The following IFT88 variants were observed in gnomAD, a reference collection of about 807,000 sequenced individuals.
IFT88 encodes the protein intraflagellar transport protein 88 homolog.
A neutral mutation model predicts 119.5 loss-of-function variants in IFT88; 74 were observed. The observed-to-expected ratio is 0.62, with a 90% CI of 0.51 to 0.75. The LOEUF (loss-of-function observed/expected upper bound fraction) is 0.75. Ranked by LOEUF, IFT88 falls within the 30% of genes least tolerant of loss-of-function variation. IFT88 has a pLI of 0.00. For synonymous variants in IFT88, 279 were observed against 316.7 expected (o/e 0.88, Z 1.26); for missense variants, 961 against 977.7 (o/e 0.98, Z 0.23).
chr13:20,619,985 ATAT>A (rs2046231097), intron 14 of IFT88, among the ~76,000 whole-genome samples: 1 of 152,110 alleles, frequency 6.6e-6, no homozygotes, highest in African/African-American at 2.4e-5. Flanking sequence ...TACCATATGA[ATAT>A]TATTTTTTGA....
intron 22 of IFT88, among the ~76,000 whole-genome samples, chr13:20,658,773 G>T (rs928444593): frequency 6.6e-6 from 1 of 152,200 alleles, no homozygotes; most frequent in Non-Finnish European, 1.5e-5. Context: ...TCTAGACATT[G>T]CCAGTGTCCC....
At chr13:20,598,310 T>A (rs2042083562) in intron 9 of IFT88, among the ~76,000 whole-genome samples, 1 of 152,202 alleles carries the variant, frequency 6.6e-6, no homozygotes, top group Non-Finnish European at 1.5e-5. Flanking sequence ...CACGTTTAAT[T>A]TATATTTAGT....
chr13:20,680,048 C>T (rs1469045421), intron 24 of IFT88, among the ~76,000 whole-genome samples: 1 of 152,204 alleles, frequency 6.6e-6, no homozygotes, highest in African/African-American at 2.4e-5. Flanking sequence ...CTCTGCCTGC[C>T]TTGCGACACA....
At chr13:20,656,122 T>TAAAAAA (rs60352862) in intron 21 of IFT88, among the ~76,000 whole-genome samples, 1 of 104,766 alleles carries the variant, frequency 9.5e-6, no homozygotes, top group African/African-American at 3.8e-5. Context: ...CTCGTCTCTT[T>TAAAAAA]AAAAAAAAAA....
intron 2 of IFT88, among the ~76,000 whole-genome samples, chr13:20,580,691 AATGGATC>A (rs938211135): frequency 2.0e-5 from 3 of 151,870 alleles, no homozygotes; most frequent in African/African-American, 4.8e-5. Flanking sequence ...AAATGGAATT[AATGGATC>A]ATGGATCATG....
chr13:20,571,057 A>T (rs1421735367), intron 1 of IFT88, among the ~76,000 whole-genome samples: 1 of 152,062 alleles, frequency 6.6e-6, no homozygotes, highest in Non-Finnish European at 1.5e-5. Flanking sequence ...GTGGTGGCAC[A>T]ATCTCGGCCC....
At chr13:20,674,432 T>C (rs1334849748) in intron 24 of IFT88, among the ~76,000 whole-genome samples, 6 of 152,176 alleles carry the variant, frequency 3.9e-5, no homozygotes, top group Non-Finnish European at 7.3e-5. Flanking sequence ...GATAGTGGCA[T>C]TTTGTGACTT....
chr13:20,686,515 ACT>A (rs1485134320), intron 24 of IFT88, among the ~76,000 whole-genome samples: 2 of 152,190 alleles, frequency 1.3e-5, no homozygotes, highest in East Asian at 3.9e-4. Context: ...CACAGTTAAC[ACT>A]CATCAGAATT....
rs371609359 is a variant in IFT88 at position 20,680,713 on chromosome 13, G to A, written c.2242+9674G>A. ...ACATGGCTGCAACCGGGGGGTCCTCGGGTTCCTCCCAAAATCTCTTCCTTG... is the reference window on the plus strand; with the variant it reads ...ACATGGCTGCAACCGGGGGGTCCTCAGGTTCCTCCCAAAATCTCTTCCTTG... On this transcript the variant is annotated intron_variant, in intron 24 of 25. Transcript: ENST00000351808. Among the ~76,000 whole-genome samples, 32 of 152,180 alleles carry A rather than the reference G, an allele frequency of 2.1e-4. No homozygotes were observed. The South Asian group carries it at 6.4e-3, about 31-fold the overall frequency.
intron 12 of IFT88, among the ~76,000 whole-genome samples, chr13:20,603,536 C>T (rs780791600): frequency 3.9e-5 from 6 of 152,114 alleles, no homozygotes; most frequent in Non-Finnish European, 8.8e-5. Context: ...TATAACCTAT[C>T]TTACAGGGTT....
At position 20,682,564 on chromosome 13, in the gene IFT88, A is replaced by G. The variant is rs192888888; in HGVS notation, c.2243-8141A>G. Among the ~76,000 whole-genome samples the G allele has an allele frequency of 7.6e-4, 116 of 152,322 alleles. 2 individuals carry two copies. The South Asian group carries it at 0.021, about 27-fold the overall frequency. On this transcript the variant is annotated intron_variant, in intron 24 of 25. Transcript: ENST00000351808. ...ACTTATGGTTACTTTCTGTGGCACT[A>G]CTGTAGTGACATTTACTAAGGTCCC...
In IFT88 at chr13:20,597,060, G is replaced by A; in HGVS notation, c.535G>A (p.Val179Met). 1 of 1,609,010 alleles carries A rather than the reference G, an allele frequency of 6.2e-7. No individual in the cohort carries two copies. Among genetic ancestry groups the A allele is most frequent in the Non-Finnish European group, 8.5e-7 (1 of 1,177,456 alleles). The change falls in exon 9 of 26, where the codon GTG (valine) becomes ATG (methionine). Residue 179 changes from valine to methionine, a missense_variant. By Grantham distance (21) the Val-to-Met change is conservative. Coordinates refer to ENST00000351808, the MANE Select transcript of IFT88 (RefSeq NM_006531.5). ...TGCAGGAAGAAAAGAGAGAGTCCTG[G>A]TGAGACAGCGAGAACAAGTTACAAC... Reference protein sequence around the residue: ...KDAGRKERVLVRQREQVTTPE... With the variant: ...KDAGRKERVLMRQREQVTTPE...
At position 20,574,467 on chromosome 13, in the gene IFT88, G is replaced by T; in HGVS notation, c.82G>T (p.Asp28Tyr). 3 of 1,584,870 alleles carry T rather than the reference G, an allele frequency of 1.9e-6. No homozygotes were observed. The highest frequency in any genetic ancestry group is 1.1e-5 in the South Asian group (1 of 89,148). Residue 28 changes from aspartate to tyrosine, a missense_variant, in exon 2 of 26, where the codon GAT (aspartate) becomes TAT (tyrosine). Transcript: ENST00000351808. ...SGYNDYNPIY[D>Y]IEELENDAAF... ...CTATAATGACTACAATCCAATCTATGATATCGAGGTAACAAAAGCTAGTTG... is the reference window on the plus strand; with the variant it reads ...CTATAATGACTACAATCCAATCTATTATATCGAGGTAACAAAAGCTAGTTG...
At chr13:20,641,999 A>C (rs2050032368) in intron 18 of IFT88, 1 of 152,204 alleles carries the variant, frequency 6.6e-6, no homozygotes, top group Admixed American at 6.5e-5. Context: ...ATGTTGCGCT[A>C]ATATCAGTTT....
Position 20,590,998 on chromosome 13 carries a change from G to A in IFT88, c.242G>A (p.Arg81Lys). 6.2e-7 allele frequency: 1 copy of A among 1,610,272 alleles called. No homozygotes were observed. Among genetic ancestry groups the A allele is most frequent in the Non-Finnish European group, 8.5e-7 (1 of 1,177,740 alleles). The change falls in exon 5 of 26, where the codon AGA becomes AAA. Residue 81 changes from arginine (R) to lysine (K), a missense_variant. By Grantham distance (26) the Arg-to-Lys change is conservative. Transcript: ENST00000351808. ...SKTSLASSIG[R>K]PMTGAIQDGV... ...ACATCTCTGGCATCATCAATAGGAA[G>A]ACCAATGACAGGGGCTATTCAGGTA... is the stretch of plus-strand genomic sequence containing the variant.
chr13:20,616,204 C>T (rs1459465339), intron 14 of IFT88, among the ~76,000 whole-genome samples: 1 of 152,160 alleles, frequency 6.6e-6, no homozygotes, highest in Admixed American at 6.5e-5. Flanking sequence ...GAAATTGTAG[C>T]ATGATGCATT....
intron 20 of IFT88, among the ~76,000 whole-genome samples, chr13:20,648,706 T>C (rs2051123972): frequency 6.6e-6 from 1 of 152,114 alleles, no homozygotes; most frequent in African/African-American, 2.4e-5. Context: ...TTATTAAACT[T>C]TCCCATTAAA....
chr13:20,683,174 A>G (rs2057513449), intron 24 of IFT88, among the ~76,000 whole-genome samples: 1 of 152,138 alleles, frequency 6.6e-6, no homozygotes. Context: ...TAAAGCCTCC[A>G]GTTTCTCTTT....
At chr13:20,626,850 C>G (rs1479510922) in intron 15 of IFT88, among the ~76,000 whole-genome samples, 1 of 152,176 alleles carries the variant, frequency 6.6e-6, no homozygotes. Context: ...CATTATATGT[C>G]AGCAACTAGA....
Sources: gnomAD v4.1 joint callset for allele counts (sites outside exome capture counted in the v4.1 genomes callset) on GRCh38, gnomAD v4.1.1 for gene constraint, MANE v1.5 for transcripts, NCBI Gene and HGNC (gene_info 2026-07-23, HGNC 2026-07-21) for gene names.